LUC7L2: variants seen among roughly 807,000 people sequenced by gnomAD.
LUC7L2 encodes the protein LUC7 like 2, pre-mRNA splicing factor.
Under a neutral mutation model 52.8 loss-of-function variants are expected in LUC7L2, and 25 were observed. That is an observed-to-expected ratio of 0.47 (90% CI 0.34 to 0.66). The LOEUF is 0.66. Among genes scored for constraint, LUC7L2 ranks in the 30% least tolerant of loss-of-function variants. The pLI is 0.01. For synonymous variants in LUC7L2, 144 were observed against 160.9 expected, an observed-to-expected ratio of 0.89 and a Z score of 0.80; for missense variants, 328 against 497.8, an observed-to-expected ratio of 0.66 and a Z score of 3.25.
At chr7:139,411,329 T>C (rs923108403) in intron 7 of LUC7L2, among the ~76,000 whole-genome samples, 1 of 152,166 alleles carries the variant, frequency 6.6e-6, no homozygotes, top group Admixed American at 6.5e-5. Flanking sequence ...GAAACTAGTA[T>C]AAAATTATAT....
At chr7:139,384,012 A>C (rs1794082744) in intron 2 of LUC7L2, among the ~76,000 whole-genome samples, 1 of 151,984 alleles carries the variant, frequency 6.6e-6, no homozygotes, top group African/African-American at 2.4e-5. Flanking sequence ...GGCGCCTCCC[A>C]AAGTGCTGGG....
intron 2 of LUC7L2, among the ~76,000 whole-genome samples, chr7:139,395,839 G>A (rs1317552490): frequency 6.6e-6 from 1 of 151,968 alleles, no homozygotes; most frequent in Non-Finnish European, 1.5e-5. Flanking sequence ...GTAGAGACGG[G>A]GTTTTCTTAT....
At chr7:139,396,727 TAG>T (rs143471281) in intron 2 of LUC7L2, among the ~76,000 whole-genome samples, 1,886 of 152,326 alleles carry the variant, frequency 0.012, 25 homozygotes, top group Non-Finnish European at 0.021. Context: ...CAGCCTTCAG[TAG>T]AGAGTTCCTA....
At chr7:139,380,819 G>A (rs1800976525) in intron 2 of LUC7L2, among the ~76,000 whole-genome samples, 1 of 152,058 alleles carries the variant, frequency 6.6e-6, no homozygotes, top group African/African-American at 2.4e-5. Flanking sequence ...CTTCCCTGAG[G>A]AAAGATAAAG....
chr7:139,408,449 G>A (rs1795210944), intron 6 of LUC7L2, among the ~76,000 whole-genome samples: 1 of 152,148 alleles, frequency 6.6e-6, no homozygotes, highest in South Asian at 2.1e-4. Flanking sequence ...ATGGGAACTT[G>A]TGATTTATAA....
intron 1 of LUC7L2, chr7:139,340,539 T>C (rs963239093): frequency 5.0e-6 from 2 of 398,398 alleles, no homozygotes; most frequent in Admixed American, 8.8e-5. Context: ...GGCGCGGTGA[T>C]GTGGACTTTT....
intron 2 of LUC7L2, among the ~76,000 whole-genome samples, chr7:139,388,073 A>G (rs961154671): frequency 2.0e-5 from 3 of 152,020 alleles, no homozygotes; most frequent in African/African-American, 4.8e-5. Flanking sequence ...ACTATATGTG[A>G]TTGCCTTACC....
chr7:139,385,337 T>TTTTTTAA, intron 2 of LUC7L2, among the ~76,000 whole-genome samples: 1 of 118,886 alleles, frequency 8.4e-6, no homozygotes, highest in East Asian at 2.2e-4. Flanking sequence ...TTTTTTTTTT[T>TTTTTTAA]AAAGAAACAG....
intron 4 of LUC7L2, 151 bp from the exon 5 acceptor site, chr7:139,405,493 C>A: frequency 1.0e-6 from 1 of 977,826 alleles, no homozygotes; most frequent in Non-Finnish European, 1.4e-6. Context: ...ATCCTGATGT[C>A]TCAGTAGTTC....
At chr7:139,366,440 T>C (rs6944244) in intron 1 of LUC7L2, among the ~76,000 whole-genome samples, 58,543 of 152,092 alleles carry the variant, frequency 0.38, 15,755 homozygotes, top group African/African-American at 0.77. Context: ...TGTACTGTGC[T>C]CTAGTATTAG....
chr7:139,342,490 C>G (rs544973273), intron 1 of LUC7L2, among the ~76,000 whole-genome samples: 4 of 152,096 alleles, frequency 2.6e-5, no homozygotes, highest in African/African-American at 9.6e-5. Context: ...AGTGGTAGGC[C>G]GAACAGGAAC....
rs986455205 is a variant in LUC7L2 at position 139,350,160 on chromosome 7, G to C, written c.-26+9643G>C. ...TTTTTGAGACGGAGTCTCGCTCTGT[G>C]GCCCAGGCTGGAGTGCAGTGGCGCG... On this transcript the variant is annotated intron_variant, in intron 1 of 10. Transcript: ENST00000541170. Among the ~76,000 whole-genome samples the C allele has an allele frequency of 8.6e-5, 13 of 151,414 alleles. No homozygotes were observed. In the South Asian group the frequency reaches 1.0e-3, roughly 12 times the overall value.
intron 3 of LUC7L2, among the ~76,000 whole-genome samples, chr7:139,399,334 G>A (rs565165294): frequency 2.0e-5 from 3 of 151,480 alleles, no homozygotes; most frequent in African/African-American, 7.3e-5. Flanking sequence ...GAGATTATAT[G>A]CAAGTATTAC....
chr7:139,364,921 A>C (rs1223860495), intron 1 of LUC7L2, among the ~76,000 whole-genome samples: 1 of 152,104 alleles, frequency 6.6e-6, no homozygotes, highest in Non-Finnish European at 1.5e-5. Context: ...CTTTTATTCC[A>C]CTTGGATTGT....
chr7:139,379,549 CTTTTTTTTTTTTTTTTTTTTTTT>C (rs539771697), intron 2 of LUC7L2, among the ~76,000 whole-genome samples: 17 of 52,724 alleles, frequency 3.2e-4, no homozygotes, highest in Admixed American at 2.1e-3. Flanking sequence ...ATAACTAATG[CTTTTTTTTTTTTTTTTTTTTTTT>C]TTTTTTTTTT....
chr7:139,371,006 A>G (rs17160882), intron 1 of LUC7L2, among the ~76,000 whole-genome samples: 11,698 of 152,046 alleles, frequency 0.077, 876 homozygotes, highest in African/African-American at 0.19. Context: ...GGGGTTATGG[A>G]TCTTATTTCA....
At chr7:139,378,276 A>G (rs1389665911) in intron 2 of LUC7L2, among the ~76,000 whole-genome samples, 1 of 152,102 alleles carries the variant, frequency 6.6e-6, no homozygotes, top group Non-Finnish European at 1.5e-5. Flanking sequence ...AATTTAAAAA[A>G]TTTACTTTTA....
At chr7:139,388,040 C>T (rs780275776) in intron 2 of LUC7L2, among the ~76,000 whole-genome samples, 2 of 152,150 alleles carry the variant, frequency 1.3e-5, no homozygotes, top group Admixed American at 6.5e-5. Context: ...CTCCTCTCTA[C>T]AAATTTAAAT....
chr7:139,367,843 T>G (rs11772026), intron 1 of LUC7L2, among the ~76,000 whole-genome samples: 58,523 of 152,046 alleles, frequency 0.38, 15,746 homozygotes, highest in African/African-American at 0.77. Context: ...GGGGTCAGTG[T>G]TTCTGCAGGA....
Sources: allele counts gnomAD v4.1 joint callset (sites outside exome capture counted in the v4.1 genomes callset), GRCh38; gene constraint gnomAD v4.1.1; transcripts MANE v1.5; gene names NCBI Gene and HGNC (gene_info 2026-07-23, HGNC 2026-07-21).